Variants in ZC2HC1B observed in about 807,000 individuals in gnomAD.
The protein encoded by ZC2HC1B is zinc finger C2HC-type containing 1B, also known as zinc finger C2HC domain-containing protein 1B.
A neutral mutation model predicts 31.0 loss-of-function variants in ZC2HC1B; 36 were observed. The observed-to-expected ratio is 1.16, with a 90% CI of 0.89 to 1.54. The LOEUF (loss-of-function observed/expected upper bound fraction) is 1.54, where lower values mean the gene tolerates loss of function less well. ZC2HC1B is among the 40% of genes most tolerant of loss of function. The pLI is 0.00. For missense variants in ZC2HC1B, 260 were observed against 268.6 expected, an observed-to-expected ratio of 0.97 and a Z score of 0.22; for synonymous variants, 73 against 88.0, an observed-to-expected ratio of 0.83 and a Z score of 0.95.
At chr6:143,931,782 T>C (rs1172376321) in intron 6 of ZC2HC1B, among the ~76,000 whole-genome samples, 2 of 152,146 alleles carry the variant, frequency 1.3e-5, no homozygotes, top group African/African-American at 4.8e-5. Flanking sequence ...TCTTGACTTT[T>C]GATAACCTGA....
At chr6:143,892,525 T>C (rs942292968) in intron 4 of ZC2HC1B, among the ~76,000 whole-genome samples, 1 of 152,198 alleles carries the variant, frequency 6.6e-6, no homozygotes, top group Non-Finnish European at 1.5e-5. Context: ...CTTGAATTCC[T>C]GAACTCAAGC....
At chr6:143,906,818 A>G (rs2328522) in intron 6 of ZC2HC1B, among the ~76,000 whole-genome samples, 29,742 of 151,504 alleles carry the variant, frequency 0.2, 3,098 homozygotes, top group Admixed American at 0.28. Context: ...GTACATGTGC[A>G]GGATGTGCAG....
chr6:143,896,722 CT>C (rs1777670083), intron 4 of ZC2HC1B, among the ~76,000 whole-genome samples: 1 of 152,082 alleles, frequency 6.6e-6, no homozygotes. Flanking sequence ...AAAATGGAAG[CT>C]TAAGGAGGTT....
rs1186977636 is a variant in ZC2HC1B at position 143,920,575 on chromosome 6, A to T, written c.599-17074A>T. On this transcript the variant is annotated intron_variant, in intron 6 of 7. Transcript: ENST00000237275. ...GCTCTTGACTAGTTAGTGAGGATTTATAAGTACTGTGATGTCACTAAGTAA... is the reference window on the plus strand; with the variant it reads ...GCTCTTGACTAGTTAGTGAGGATTTTTAAGTACTGTGATGTCACTAAGTAA... Among the ~76,000 whole-genome samples, 7 of 152,198 alleles carry T rather than the reference A, an allele frequency of 4.6e-5. No individual in the cohort carries two copies. In the South Asian group the frequency reaches 1.4e-3, roughly 32 times the overall value.
In ZC2HC1B at chr6:143,883,078, C is replaced by T. The variant is rs1308116794; in HGVS notation, c.29-1226C>T. ...TGGGGGAGACAGGATCTTGCTCTGT[C>T]TCCCAGGCTGGAGTGCAGTGTTATG... On this transcript the variant is annotated intron_variant, in intron 1 of 7. Coordinates refer to ENST00000237275, the MANE Select transcript of ZC2HC1B (RefSeq NM_001013623.3). The surrounding 1 kb of genome is among the most constrained non-coding windows in gnomAD (Gnocchi z 4.1). Among the ~76,000 whole-genome samples the T allele has an allele frequency of 1.3e-5, 2 of 152,174 alleles. No homozygotes were observed. The highest frequency in any genetic ancestry group is 4.8e-5 in the African/African-American group (2 of 41,446).
rs1192079065 is a variant in ZC2HC1B, at chr6:143,885,824, T to C, written c.91-208T>C. Among the ~76,000 whole-genome samples, 66 of 152,234 alleles carry C rather than the reference T, an allele frequency of 4.3e-4. No homozygotes were observed. Among genetic ancestry groups the C allele is most frequent in the Admixed American group, 4.3e-3 (66 of 15,288 alleles). ...AAGTCTTTTAGCTATAAAGGCATTTTATTGTCTTTGCTCAAGCACAATATC... is the reference window on the plus strand; with the variant it reads ...AAGTCTTTTAGCTATAAAGGCATTTCATTGTCTTTGCTCAAGCACAATATC... On this transcript the variant is annotated intron_variant, in intron 2 of 7. Transcript: ENST00000237275. This position sits in a 1 kb window ranked among gnomAD's most constrained non-coding sequence, Gnocchi z 4.2.
chr6:143,898,722 G>T (rs1367736116), intron 5 of ZC2HC1B, 31 bp downstream of exon 5: 1 of 1,551,296 alleles, frequency 6.4e-7, no homozygotes, highest in African/African-American at 1.4e-5. Context: ...GTTGGCTCTT[G>T]TGCCCTTGAA....
At chr6:143,893,126 C>T (rs1263398422) in intron 4 of ZC2HC1B, among the ~76,000 whole-genome samples, 1 of 151,820 alleles carries the variant, frequency 6.6e-6, no homozygotes, top group African/African-American at 2.4e-5. Flanking sequence ...AGGAGACAAC[C>T]CAATCAGAAA....
Position 143,885,966 on chromosome 6 carries a change from T to G in ZC2HC1B, c.91-66T>G. 6.9e-7 allele frequency: 1 copy of G among 1,439,222 alleles called. No individual in the cohort carries two copies. Among genetic ancestry groups the G allele is most frequent in the Non-Finnish European group, 9.1e-7 (1 of 1,095,918 alleles). 89.2% of individuals were successfully genotyped at this position (1,439,222 alleles called of 1,614,324 possible). A position where few individuals can be genotyped will look rare whatever the true frequency, so the allele number is the denominator to read the frequency against. ...GTCCCTGGAGTGGGGGCTGTCTAGG[T>G]ACACCTAGGCATTAAAAACTGATTG... On this transcript the variant is annotated intron_variant, in intron 2 of 7. Transcript: ENST00000237275. The surrounding 1 kb of genome is among the most constrained non-coding windows in gnomAD (Gnocchi z 4.2).
At position 143,903,075 on chromosome 6, in the gene ZC2HC1B, CAACT is replaced by C; in HGVS notation, c.522_525del (p.Thr175LeufsTer26). ...GCTCAGATGGGTCCAAAAAAAGAAC[CAACT>C]GTTACCAGTGCTGTGGGAGCTTTGC... is the stretch of plus-strand genomic sequence containing the variant. On this transcript the variant is annotated frameshift_variant, in exon 6 of 8. Transcript: ENST00000237275. LOFTEE classifies it high-confidence loss of function. This position sits in a 1 kb window ranked among gnomAD's most constrained non-coding sequence, Gnocchi z 4.3. 1 of 1,551,798 alleles carries C rather than the reference CAACT, an allele frequency of 6.4e-7. No individual in the cohort carries two copies. Among genetic ancestry groups the C allele is most frequent in the Non-Finnish European group, 8.7e-7 (1 of 1,147,008 alleles).
intron 4 of ZC2HC1B, among the ~76,000 whole-genome samples, chr6:143,888,940 TG>T (rs1297405215): frequency 6.6e-6 from 1 of 151,896 alleles, no homozygotes; most frequent in African/African-American, 2.4e-5. Flanking sequence ...CGAATAGGAG[TG>T]GCAAAAGTAG....
intron 6 of ZC2HC1B, 103 bp from the exon 7 acceptor site, chr6:143,937,546 G>GAAA: frequency 1.2e-6 from 1 of 850,850 alleles, no homozygotes; most frequent in South Asian, 2.1e-5. Flanking sequence ...AAAAAAGGAA[G>GAAA]AATAGAAACT....
chr6:143,903,952 T>C lies in ZC2HC1B; in HGVS notation c.598+800T>C, dbSNP rs2128495325. On this transcript the variant is annotated intron_variant, in intron 6 of 7. Coordinates refer to ENST00000237275, the MANE Select transcript of ZC2HC1B (RefSeq NM_001013623.3). This position sits in a 1 kb window ranked among gnomAD's most constrained non-coding sequence, Gnocchi z 4.3. ...GTTCTCCATCTGTAGTTGTTAAATC[T>C]GCAGATGTGGAACCCATGGGAACAG... Among the ~76,000 whole-genome samples the C allele has an allele frequency of 6.6e-6, 1 of 152,356 alleles. No individual in the cohort carries two copies. Among genetic ancestry groups the C allele is most frequent in the East Asian group, 1.9e-4 (1 of 5,196 alleles).
At chr6:143,874,271 T>A (rs1483320189) in intron 1 of ZC2HC1B, among the ~76,000 whole-genome samples, 3 of 152,202 alleles carry the variant, frequency 2.0e-5, no homozygotes, top group Non-Finnish European at 4.4e-5. Context: ...TTATTGTTCA[T>A]ATCACCATCA....
intron 5 of ZC2HC1B, among the ~76,000 whole-genome samples, chr6:143,901,903 G>T (rs1221366244): frequency 6.6e-6 from 1 of 152,214 alleles, no homozygotes; most frequent in Non-Finnish European, 1.5e-5. Context: ...GCAGTAAAGG[G>T]TGAGTTACAT....
Position 143,924,511 on chromosome 6 carries a change from C to T in ZC2HC1B, c.599-13138C>T, listed in dbSNP as rs1004603032. On this transcript the variant is annotated intron_variant, in intron 6 of 7. Coordinates refer to ENST00000237275, the MANE Select transcript of ZC2HC1B (RefSeq NM_001013623.3). This position sits in a 1 kb window ranked among gnomAD's most constrained non-coding sequence, Gnocchi z 5.2. ...TGCCTGATTGCTCTGGCAAGGACTTCCAGTACTATGTTGAATAAAAGTGAT... is the reference window on the plus strand; with the variant it reads ...TGCCTGATTGCTCTGGCAAGGACTTTCAGTACTATGTTGAATAAAAGTGAT... Among the ~76,000 whole-genome samples, 18 of 152,044 alleles carry T rather than the reference C, an allele frequency of 1.2e-4. No homozygotes were observed. Among genetic ancestry groups the T allele is most frequent in the Non-Finnish European group, 2.4e-4 (16 of 67,984 alleles).
At position 143,871,249 on chromosome 6, in the gene ZC2HC1B, A is replaced by G. The variant is rs1479306432; in HGVS notation, c.28+6682A>G. 3.3e-5 allele frequency among the ~76,000 whole-genome samples: 5 copies of G among 152,196 alleles called. No homozygotes were observed. The highest frequency in any genetic ancestry group is 4.4e-5 in the Non-Finnish European group (3 of 68,038). ...TTGCTCACTGGATCCAGTCAGCATA[A>G]TGTCATCAATGTAATGGACCAGTGT... On this transcript the variant is annotated intron_variant, in intron 1 of 7. Coordinates refer to ENST00000237275, the MANE Select transcript of ZC2HC1B (RefSeq NM_001013623.3). This position sits in a 1 kb window ranked among gnomAD's most constrained non-coding sequence, Gnocchi z 4.1.
At chr6:143,888,287 C>G (rs1317038430) in intron 4 of ZC2HC1B, among the ~76,000 whole-genome samples, 1 of 152,008 alleles carries the variant, frequency 6.6e-6, no homozygotes, top group Non-Finnish European at 1.5e-5. Context: ...CAGTACCAAA[C>G]TGTTTTGAAT....
intron 4 of ZC2HC1B, among the ~76,000 whole-genome samples, chr6:143,888,550 C>T (rs559605957): frequency 1.3e-5 from 2 of 151,986 alleles, no homozygotes; most frequent in East Asian, 3.9e-4. Flanking sequence ...CTATTATTTA[C>T]ATCTTCTTTA....
Sources: gnomAD v4.1 joint callset for allele counts (sites outside exome capture counted in the v4.1 genomes callset) on GRCh38, gnomAD v4.1.1 for gene constraint, Gnocchi (gnomAD v3.1) non-coding constraint, MANE v1.5 for transcripts, NCBI Gene and HGNC (gene_info 2026-07-23, HGNC 2026-07-21) for gene names.